The following MRPS6 variants were observed in gnomAD, a reference collection of about 807,000 sequenced individuals.
MRPS6 encodes the protein small ribosomal subunit protein bS6m.
In MRPS6, 6 loss-of-function variants were observed where a neutral mutation model predicts 13.1. That is an observed-to-expected ratio of 0.46 (90% CI 0.25 to 0.91). The LOEUF (loss-of-function observed/expected upper bound fraction) is 0.91, where lower values mean the gene tolerates loss of function less well. Ranked by LOEUF, MRPS6 falls within the 40% of genes least tolerant of loss-of-function variation. The probability of loss-of-function intolerance (pLI) is 0.18; values close to 1 mark genes in which losing one functional copy is unlikely to be tolerated. For missense variants in MRPS6, 164 were observed against 155.6 expected (o/e 1.05, Z -0.29); for synonymous variants, 61 against 56.5 (o/e 1.08, Z -0.36).
intron 2 of MRPS6, among the ~76,000 whole-genome samples, chr21:34,131,996 TAAG>T (rs937387984): frequency 6.6e-6 from 1 of 152,186 alleles, no homozygotes; most frequent in Non-Finnish European, 1.5e-5. Context: ...GATGAATAGG[TAAG>T]AAGAAAAGGA....
intron 1 of MRPS6, chr21:34,095,189 A>G (rs1471042126): frequency 1.3e-6 from 2 of 1,579,538 alleles, no homozygotes; most frequent in African/African-American, 1.4e-5. Flanking sequence ...ATTATTCACA[A>G]GTTACCAGAA....
intron 1 of MRPS6, among the ~76,000 whole-genome samples, chr21:34,077,058 C>T (rs1271933771): frequency 2.0e-5 from 3 of 152,014 alleles, no homozygotes; most frequent in African/African-American, 7.2e-5. Context: ...CTCCACCCTG[C>T]CCCCCCTGCA....
At position 34,096,522 on chromosome 21, in the gene MRPS6, C is replaced by T; in HGVS notation, c.45+22777C>T. The stretch of plus-strand genomic sequence containing the variant: ...AGGAGGCCAGATGTACCTTTACATT[C>T]AGGAGGTAGCAGATTACCTGACACC... On this transcript the variant is annotated intron_variant, in intron 1 of 2. Transcript: ENST00000399312. The surrounding 1 kb of genome is among the most constrained non-coding windows in gnomAD (Gnocchi z 5.9). 6.2e-7 allele frequency: 1 copy of T among 1,614,158 alleles called. No individual in the cohort carries two copies. Among genetic ancestry groups the T allele is most frequent in the Non-Finnish European group, 8.5e-7 (1 of 1,180,004 alleles).
chr21:34,104,791 A>C (rs1979403780), intron 1 of MRPS6: 3 of 1,000,242 alleles, frequency 3.0e-6, no homozygotes, highest in Non-Finnish European at 3.6e-6. Context: ...AGCTGTTATA[A>C]CCTGTTAATC....
chr21:34,105,843 A>G (rs181684636), intron 1 of MRPS6: 11 of 995,344 alleles, frequency 1.1e-5, no homozygotes, highest in African/African-American at 3.5e-5. Context: ...GGTTATTTCT[A>G]TATTGAAAGG....
intron 1 of MRPS6, chr21:34,103,819 A>C (rs935278429): frequency 1.0e-6 from 1 of 1,000,068 alleles, no homozygotes; most frequent in Non-Finnish European, 1.2e-6. Context: ...ATAAATGTCA[A>C]GAATGCCAAA....
rs190209626 is a variant in MRPS6 at position 34,085,978 on chromosome 21, A to G, written c.45+12233A>G. On this transcript the variant is annotated intron_variant, in intron 1 of 2. Coordinates refer to ENST00000399312, the MANE Select transcript of MRPS6 (RefSeq NM_032476.4). ...CCTTAACACCTCATGTTCATGTTCAAATTCCCTGAATTGTCAAAAGTGTCT... is the reference window on the plus strand; with the variant it reads ...CCTTAACACCTCATGTTCATGTTCAGATTCCCTGAATTGTCAAAAGTGTCT... Among the ~76,000 whole-genome samples, 59 of 152,268 alleles carry G rather than the reference A, an allele frequency of 3.9e-4. 1 individual carries two copies. Among genetic ancestry groups the G allele is most frequent in the Admixed American group, 3.4e-3 (52 of 15,292 alleles).
At chr21:34,100,197 T>G (rs1163681728) in intron 1 of MRPS6, 2 of 1,000,266 alleles carry the variant, frequency 2.0e-6, no homozygotes, top group East Asian at 1.1e-4. Flanking sequence ...AATAAATGTC[T>G]TACCAGGTGT....
intron 1 of MRPS6, among the ~76,000 whole-genome samples, chr21:34,111,042 G>C (rs1979676920): frequency 6.6e-6 from 1 of 152,124 alleles, no homozygotes; most frequent in Admixed American, 6.6e-5. Flanking sequence ...AAGGACCCTT[G>C]TTTATGATAT....
chr21:34,110,869 A>G (rs533626574), intron 1 of MRPS6, among the ~76,000 whole-genome samples: 6 of 152,350 alleles, frequency 3.9e-5, no homozygotes, highest in Admixed American at 2.0e-4. Flanking sequence ...TCATGCCTGC[A>G]TTGTGCTAGA....
chr21:34,130,110 C>G (rs922759034), intron 2 of MRPS6, among the ~76,000 whole-genome samples: 6 of 149,888 alleles, frequency 4.0e-5, no homozygotes, highest in African/African-American at 1.5e-4. Context: ...CCCTCCCATC[C>G]CCCTCCCCCA....
rs1341550496 is a variant in MRPS6, at chr21:34,142,475, G to A, written c.253G>A (p.Asp85Asn). The change falls in exon 3 of 3, where the codon GAT (aspartate) becomes AAT (asparagine). Residue 85 changes from aspartate to asparagine, a missense_variant. Transcript: ENST00000399312. ...AAGCATGGTGGAGCACTTGTCTCGA[G>A]ATATAGATGTGATTAGAGGGAATAT... Reference protein sequence around the residue: ...VESMVEHLSRDIDVIRGNIVK... With the variant: ...VESMVEHLSRNIDVIRGNIVK... 1 of 1,611,340 alleles carries A rather than the reference G, an allele frequency of 6.2e-7. No individual in the cohort carries two copies. Among genetic ancestry groups the A allele is most frequent in the Admixed American group, 1.7e-5 (1 of 59,532 alleles).
chr21:34,096,968 A>G lies in MRPS6; in HGVS notation c.45+23223A>G. On this transcript the variant is annotated intron_variant, in intron 1 of 2. Transcript: ENST00000399312. The surrounding 1 kb of genome is among the most constrained non-coding windows in gnomAD (Gnocchi z 5.9). ...TCAACCACATCATTCCCAACGGGAAATCTGAAGACAGCATTAAGGGCCTTC... is the reference window on the plus strand; with the variant it reads ...TCAACCACATCATTCCCAACGGGAAGTCTGAAGACAGCATTAAGGGCCTTC... 1.2e-6 allele frequency: 2 copies of G among 1,614,148 alleles called. No homozygotes were observed. The highest frequency in any genetic ancestry group is 1.7e-6 in the Non-Finnish European group (2 of 1,180,006).
chr21:34,112,715 C>T (rs894172646), intron 1 of MRPS6, among the ~76,000 whole-genome samples: 2 of 152,220 alleles, frequency 1.3e-5, no homozygotes, highest in African/African-American at 2.4e-5. Context: ...GCTCCCAATC[C>T]CCCCTCCCCA....
At chr21:34,097,576 C>T in intron 1 of MRPS6, 2 of 1,297,406 alleles carry the variant, frequency 1.5e-6, no homozygotes, top group African/African-American at 1.5e-5. Context: ...CTGAATTGTG[C>T]AAATGTGGTT....
intron 1 of MRPS6, among the ~76,000 whole-genome samples, chr21:34,107,666 T>G (rs1979534822): frequency 6.6e-6 from 1 of 152,346 alleles, no homozygotes; most frequent in Admixed American, 6.5e-5. Context: ...GCTTCCCCTT[T>G]TCCTGTTCAT....
At chr21:34,098,507 A>G (rs921945541) in intron 1 of MRPS6, 39 of 999,984 alleles carry the variant, frequency 3.9e-5, no homozygotes, top group Non-Finnish European at 4.3e-5. Context: ...CACAGCCTCT[A>G]CATTTTTGTT....
chr21:34,105,413 T>C, intron 1 of MRPS6: 3 of 999,034 alleles, frequency 3.0e-6, no homozygotes, highest in Non-Finnish European at 3.6e-6. Context: ...TCCTGTGAAA[T>C]TGCTTCATTC....
intron 1 of MRPS6, among the ~76,000 whole-genome samples, chr21:34,114,839 T>C (rs1485178509): frequency 6.6e-6 from 1 of 152,232 alleles, no homozygotes; most frequent in African/African-American, 2.4e-5. Context: ...AGCTGACAAC[T>C]AGTAAGTTCA....
Sources: allele counts gnomAD v4.1 joint callset (sites outside exome capture counted in the v4.1 genomes callset), GRCh38; gene constraint gnomAD v4.1.1; non-coding constraint Gnocchi (gnomAD v3.1); transcripts MANE v1.5; gene names NCBI Gene and HGNC (gene_info 2026-07-23, HGNC 2026-07-21).